PLB1: variants seen among roughly 807,000 people sequenced by gnomAD.
The protein encoded by PLB1 is phospholipase B1.
PLB1 carries 242 observed loss-of-function variants against 227.4 expected under a neutral mutation model. The observed-to-expected ratio is 1.06, with a 90% CI of 0.96 to 1.18. The LOEUF (loss-of-function observed/expected upper bound fraction) is 1.18. PLB1 is among the 50% of genes most tolerant of loss of function. The pLI is 0.00. For missense variants in PLB1, 1,858 were observed against 1,816.3 expected (o/e 1.02, Z -0.42); for synonymous variants, 757 against 682.2 (o/e 1.11, Z -1.71).
chr2:28,566,900 C>T, intron 20 of PLB1, 61 bp downstream of exon 20: 4 of 1,592,172 alleles, frequency 2.5e-6, no homozygotes, highest in Non-Finnish European at 3.4e-6. Context: ...GCTTCCCGCT[C>T]CCCCTGCAGG....
chr2:28,623,382 T>C (rs1182078807), intron 49 of PLB1, among the ~76,000 whole-genome samples: 1 of 152,110 alleles, frequency 6.6e-6, no homozygotes, highest in Non-Finnish European at 1.5e-5. Flanking sequence ...AGAAGCGGCA[T>C]TTGTAACTTC....
At chr2:28,579,579 C>T (rs763535014) in intron 22 of PLB1, 48 bp from the exon 23 acceptor site, 5 of 1,491,816 alleles carry the variant, frequency 3.4e-6, no homozygotes, top group African/African-American at 1.4e-5. Flanking sequence ...TTTTCCTTGA[C>T]TTGACTCTGG....
Position 28,555,878 on chromosome 2 carries a change from T to TTTTC in PLB1, c.1147+2891_1147+2894dup, listed in dbSNP as rs1675012820. Among the ~76,000 whole-genome samples the TTTTC allele has an allele frequency of 4.6e-5, 7 of 150,590 alleles. No individual in the cohort carries two copies. In the East Asian group the frequency reaches 1.4e-3, roughly 29 times the overall value. ...AGTTACTTTCCTTTTTTTTTTTTTT[T>TTTTC]TTTCTTTTTTGAGATGGTCTCAGTC... On this transcript the variant is annotated intron_variant, in intron 17 of 57. Transcript: ENST00000327757.
At chr2:28,564,030 A>AG (rs1676458361) in intron 18 of PLB1, among the ~76,000 whole-genome samples, 1 of 152,110 alleles carries the variant, frequency 6.6e-6, no homozygotes, top group Non-Finnish European at 1.5e-5. Context: ...ACTTGAGGCC[A>AG]GGGGGTCAAG....
At chr2:28,591,094 C>T (rs763185517) in intron 29 of PLB1, 39 bp from the exon 30 acceptor site, 34 of 1,613,214 alleles carry the variant, frequency 2.1e-5, no homozygotes, top group Non-Finnish European at 2.9e-5. Context: ...GAGAAGTGAG[C>T]AGAATTTGCT....
chr2:28,536,063 A>T (rs1331958147), intron 9 of PLB1, among the ~76,000 whole-genome samples: 1 of 152,224 alleles, frequency 6.6e-6, no homozygotes, highest in Non-Finnish European at 1.5e-5. Flanking sequence ...AAAAGTTCAC[A>T]CGAGAAAAAC....
chr2:28,524,792 C>G (rs193257744), intron 4 of PLB1, among the ~76,000 whole-genome samples: 1 of 151,930 alleles, frequency 6.6e-6, no homozygotes, highest in African/African-American at 2.4e-5. Flanking sequence ...AGAACTTTTC[C>G]TCCCTGCAGA....
intron 14 of PLB1, among the ~76,000 whole-genome samples, chr2:28,548,130 C>A (rs968512135): frequency 1.3e-5 from 2 of 151,842 alleles, no homozygotes; most frequent in Non-Finnish European, 2.9e-5. Context: ...ATTTGTGACC[C>A]CGTGAAAGAC....
chr2:28,560,922 C>T (rs944008590), intron 17 of PLB1, among the ~76,000 whole-genome samples: 2 of 152,176 alleles, frequency 1.3e-5, no homozygotes, highest in Admixed American at 6.5e-5. Flanking sequence ...GCTGGGCTTT[C>T]GAGACATCCA....
At chr2:28,593,966 G>A (rs759329470) in intron 33 of PLB1, 1 of 638,332 alleles carries the variant, frequency 1.6e-6, no homozygotes, top group Admixed American at 2.4e-5. Flanking sequence ...TTTTTTGATT[G>A]TGCAGAGAAA....
intron 26 of PLB1, among the ~76,000 whole-genome samples, chr2:28,587,161 A>G (rs552363527): frequency 5.9e-5 from 9 of 152,192 alleles, no homozygotes; most frequent in African/African-American, 1.7e-4. Flanking sequence ...CCCTGTTTCA[A>G]TTGGGGTTAC....
intron 33 of PLB1, 30 bp downstream of exon 33, chr2:28,593,784 T>A (rs2148288373): frequency 6.3e-7 from 1 of 1,584,706 alleles, no homozygotes; most frequent in Non-Finnish European, 8.7e-7. Context: ...TCTCCCAGCG[T>A]TCCCCCCACA....
At chr2:28,547,130 A>T (rs928139772) in intron 14 of PLB1, among the ~76,000 whole-genome samples, 2 of 150,764 alleles carry the variant, frequency 1.3e-5, no homozygotes, top group African/African-American at 4.9e-5. Flanking sequence ...GAGCTCAGGA[A>T]GTCAAGGCTG....
intron 53 of PLB1, among the ~76,000 whole-genome samples, chr2:28,629,443 A>C (rs943804117): frequency 1.1e-4 from 16 of 152,206 alleles, no homozygotes; most frequent in Admixed American, 7.2e-4. Flanking sequence ...GCTCCCTGAC[A>C]TTGTCAGTGA....
At chr2:28,543,325 C>T in intron 14 of PLB1, 57 bp downstream of exon 14, 3 of 1,557,566 alleles carry the variant, frequency 1.9e-6, no homozygotes, top group Non-Finnish European at 1.7e-6. Context: ...TCTCCACCAC[C>T]ACTGAGCCCA....
At chr2:28,582,531 C>G (rs757488457) in intron 25 of PLB1, 26 bp downstream of exon 25, 18 of 1,545,368 alleles carry the variant, frequency 1.2e-5, no homozygotes, top group Non-Finnish European at 1.6e-5. Flanking sequence ...CTCCCCGATT[C>G]TACTAAGAAT....
intron 14 of PLB1, among the ~76,000 whole-genome samples, chr2:28,547,968 T>G (rs1673559752): frequency 6.6e-6 from 1 of 152,226 alleles, no homozygotes; most frequent in Non-Finnish European, 1.5e-5. Context: ...TATAAATGTT[T>G]TATCTACGTT....
chr2:28,628,710 C>T (rs1483531564), intron 52 of PLB1, 82 bp downstream of exon 52: 1 of 1,382,346 alleles, frequency 7.2e-7, no homozygotes, highest in Non-Finnish European at 1.0e-6. Flanking sequence ...CAGTGAGATG[C>T]TCACGGAGCA....
intron 55 of PLB1, 83 bp from the exon 56 acceptor site, chr2:28,632,861 C>T (rs1688824377): frequency 1.0e-6 from 1 of 969,108 alleles, no homozygotes; most frequent in Non-Finnish European, 1.6e-6. Flanking sequence ...GAGACATGCC[C>T]AGGGCACCTG....
Sources: gnomAD v4.1 joint callset for allele counts (sites outside exome capture counted in the v4.1 genomes callset) on GRCh38, gnomAD v4.1.1 for gene constraint, MANE v1.5 for transcripts, NCBI Gene and HGNC (gene_info 2026-07-23, HGNC 2026-07-21) for gene names.